The following RETREG1 variants were observed in gnomAD, a reference collection of about 807,000 sequenced individuals.
RETREG1 encodes the protein family with sequence similarity 134 member B.
A neutral mutation model predicts 54.8 loss-of-function variants in RETREG1; 44 were observed. The ratio of observed to expected loss-of-function variants is 0.80; its 90% CI spans 0.63 to 1.03. The LOEUF is 1.03. Ranked by LOEUF, RETREG1 falls within the 50% of genes least tolerant of loss-of-function variation. The probability of loss-of-function intolerance (pLI) is 0.00; values close to 1 mark genes in which losing one functional copy is unlikely to be tolerated. For synonymous variants in RETREG1, 217 were observed against 238.5 expected, an observed-to-expected ratio of 0.91 and a Z score of 0.83; for missense variants, 554 against 605.1, an observed-to-expected ratio of 0.92 and a Z score of 0.89.
intron 4 of RETREG1, among the ~76,000 whole-genome samples, chr5:16,482,226 T>C (rs1023335276): frequency 2.6e-5 from 4 of 151,918 alleles, no homozygotes; most frequent in Admixed American, 6.6e-5. Flanking sequence ...AAGGAACAAA[T>C]AAGCCAAGAA....
chr5:16,537,815 AG>A (rs1342964970), intron 3 of RETREG1, among the ~76,000 whole-genome samples: 1 of 152,086 alleles, frequency 6.6e-6, no homozygotes, highest in East Asian at 1.9e-4. Flanking sequence ...TCTCAGACGC[AG>A]TGCTCTTCAC....
chr5:16,492,109 C>T (rs1201398957), intron 3 of RETREG1, among the ~76,000 whole-genome samples: 1 of 151,810 alleles, frequency 6.6e-6, no homozygotes, highest in African/African-American at 2.4e-5. Context: ...CATGAAATAT[C>T]AGAGAAAAAT....
At chr5:16,601,328 A>G (rs1743046886) in intron 1 of RETREG1, among the ~76,000 whole-genome samples, 1 of 152,044 alleles carries the variant, frequency 6.6e-6, no homozygotes, top group East Asian at 1.9e-4. Flanking sequence ...TGTCACAGCG[A>G]GACCCTGTCT....
chr5:16,591,930 C>T (rs1292138893), intron 1 of RETREG1, among the ~76,000 whole-genome samples: 3 of 152,198 alleles, frequency 2.0e-5, no homozygotes, highest in East Asian at 1.9e-4. Flanking sequence ...GTGTTTGTAA[C>T]ATTTGACATG....
At chr5:16,488,948 T>C (rs1056033552) in intron 3 of RETREG1, among the ~76,000 whole-genome samples, 1 of 151,844 alleles carries the variant, frequency 6.6e-6, no homozygotes, top group Non-Finnish European at 1.5e-5. Context: ...CCAGGCCTGG[T>C]GGCATGCGCC....
intron 1 of RETREG1, among the ~76,000 whole-genome samples, chr5:16,581,354 C>T (rs1742469473): frequency 6.6e-6 from 1 of 152,148 alleles, no homozygotes; most frequent in Non-Finnish European, 1.5e-5. Context: ...AAGATGACAA[C>T]CACAGAGCAT....
intron 3 of RETREG1, among the ~76,000 whole-genome samples, chr5:16,554,804 C>T (rs1741639636): frequency 6.6e-6 from 1 of 152,156 alleles, no homozygotes; most frequent in Non-Finnish European, 1.5e-5. Context: ...GGCTACATAC[C>T]ATGAATAACA....
At chr5:16,587,216 G>A (rs2560824) in intron 1 of RETREG1, among the ~76,000 whole-genome samples, 5 of 152,132 alleles carry the variant, frequency 3.3e-5, no homozygotes, top group Non-Finnish European at 5.9e-5. Context: ...TCAAGGAACC[G>A]TCCTAGGCAT....
intron 4 of RETREG1, 135 bp downstream of exon 4, chr5:16,483,211 C>A: frequency 9.8e-7 from 1 of 1,015,648 alleles, no homozygotes. Flanking sequence ...TTGCTGATAC[C>A]AGCTTTTATG....
Position 16,607,221 on chromosome 5 carries a change from T to C in RETREG1, c.320+9431A>G, listed in dbSNP as rs538506539. 8.1e-4 allele frequency among the ~76,000 whole-genome samples: 124 copies of C among 152,306 alleles called. 1 individual carries two copies. The East Asian group carries it at 0.021, about 26-fold the overall frequency. ...TTGTATATTTGTTTATTGTATTTTT[T>C]TTTACCACTTTCACCACTAGAATAT... On this transcript the variant is annotated intron_variant, in intron 1 of 8. Transcript: ENST00000306320.
chr5:16,494,229 A>C (rs1188042250), intron 3 of RETREG1, among the ~76,000 whole-genome samples: 1 of 152,234 alleles, frequency 6.6e-6, no homozygotes, highest in Non-Finnish European at 1.5e-5. Context: ...TAAATAGTAC[A>C]TGTATTAATG....
At chr5:16,588,571 C>T (rs1742677863) in intron 1 of RETREG1, among the ~76,000 whole-genome samples, 1 of 152,218 alleles carries the variant, frequency 6.6e-6, no homozygotes, top group African/African-American at 2.4e-5. Context: ...GTGCTGTGCC[C>T]TGTCAGCCCC....
intron 3 of RETREG1, among the ~76,000 whole-genome samples, chr5:16,559,274 G>A (rs1455966495): frequency 6.6e-6 from 1 of 150,858 alleles, no homozygotes; most frequent in Admixed American, 6.7e-5. Flanking sequence ...GGCTGAGGAC[G>A]CCCACAATCT....
intron 3 of RETREG1, among the ~76,000 whole-genome samples, chr5:16,555,564 T>C (rs1327275209): frequency 2.0e-5 from 3 of 152,234 alleles, no homozygotes; most frequent in African/African-American, 7.2e-5. Flanking sequence ...TATGTCATTC[T>C]ACAAAAAGAC....
intron 3 of RETREG1, among the ~76,000 whole-genome samples, chr5:16,564,058 C>G (rs1741942098): frequency 6.6e-6 from 1 of 152,106 alleles, no homozygotes; most frequent in African/African-American, 2.4e-5. Flanking sequence ...TTCTTGTCTG[C>G]TCTATTTATA....
Position 16,474,817 on chromosome 5 carries a change from G to C in RETREG1, c.1418C>G (p.Thr473Arg), listed in dbSNP as rs1186811814. The C allele has an allele frequency of 2.2e-5, 35 of 1,613,682 alleles. No individual in the cohort carries two copies. Among genetic ancestry groups the C allele is most frequent in the Non-Finnish European group, 2.8e-5 (33 of 1,179,930 alleles). The change falls in exon 9 of 9, where the codon ACA becomes AGA. Residue 473 changes from threonine (T) to arginine (R), a missense_variant. Transcript: ENST00000306320. ...LDQIESELGL[T>R]QDQEAEAQQN... ...CTGTGCTTCTGCTTCCTGGTCTTGT[G>C]TAAGTCCCAATTCACTCTCAATTTG...
intron 8 of RETREG1, 46 bp downstream of exon 8, chr5:16,477,616 T>C (rs1224591249): frequency 5.1e-6 from 8 of 1,580,348 alleles, no homozygotes; most frequent in Non-Finnish European, 6.1e-6. Flanking sequence ...TTCAATAGTT[T>C]TGTATGCACT....
chr5:16,489,373 G>A (rs898714521), intron 3 of RETREG1, among the ~76,000 whole-genome samples: 1 of 152,142 alleles, frequency 6.6e-6, no homozygotes, highest in African/African-American at 2.4e-5. Flanking sequence ...AATTTCTAAT[G>A]CACTTGGCTG....
At chr5:16,525,263 A>T (rs1265812954) in intron 3 of RETREG1, among the ~76,000 whole-genome samples, 24 of 81,276 alleles carry the variant, frequency 3.0e-4, no homozygotes, top group East Asian at 1.8e-3. Context: ...CTCTGGCCCC[A>T]ACAGGTGGAT....
Sources: allele counts gnomAD v4.1 joint callset (sites outside exome capture counted in the v4.1 genomes callset), GRCh38; gene constraint gnomAD v4.1.1; transcripts MANE v1.5; gene names NCBI Gene and HGNC (gene_info 2026-07-23, HGNC 2026-07-21).